The following CPD variants were observed in gnomAD, a reference collection of about 807,000 sequenced individuals.
CPD encodes the protein metallocarboxypeptidase D.
A neutral mutation model predicts 138.3 loss-of-function variants in CPD; 69 were observed. The observed-to-expected ratio is 0.50, with a 90% CI of 0.41 to 0.61. The LOEUF (loss-of-function observed/expected upper bound fraction) is 0.61, where lower values mean the gene tolerates loss of function less well. CPD is among the 20% of genes least tolerant of loss of function. The pLI, the probability that CPD is intolerant of heterozygous loss-of-function variation, is 0.00. For synonymous variants in CPD, 651 were observed against 642.1 expected, an observed-to-expected ratio of 1.01 and a Z score of -0.21; for missense variants, 1,432 against 1,733.3, an observed-to-expected ratio of 0.83 and a Z score of 3.09.
Position 30,379,322 on chromosome 17 carries a change from T to TGACGCTGCCGGGCCC in CPD, c.351_365dup (p.Asp120_Pro124dup), listed in dbSNP as rs1361206756. 2 of 1,491,932 alleles carry TGACGCTGCCGGGCCC rather than the reference T, an allele frequency of 1.3e-6. No homozygotes were observed. Among genetic ancestry groups the TGACGCTGCCGGGCCC allele is most frequent in the Non-Finnish European group, 1.8e-6 (2 of 1,128,544 alleles). The allele number at this position is 1,491,932 out of a possible 1,614,324, so 92.4% of individuals were successfully genotyped here. A position where few individuals can be genotyped will look rare whatever the true frequency, so the allele number is the denominator to read the frequency against. On this transcript the variant is annotated inframe_insertion, in exon 1 of 21. Coordinates refer to ENST00000225719, the MANE Select transcript of CPD (RefSeq NM_001304.5). The surrounding 1 kb of genome is among the most constrained non-coding windows in gnomAD (Gnocchi z 7.0). ...TAATCCCTGAGGGCGACGCGGGGCC[T>TGACGCTGCCGGGCCC]GACGCTGCCGGGCCCGACGCTGCGG...
intron 14 of CPD, 200 bp from the exon 15 acceptor site, chr17:30,455,139 G>A: frequency 1.9e-6 from 1 of 524,500 alleles, no homozygotes. Context: ...ACATCCTGAA[G>A]TACATAATAA....
chr17:30,442,036 G>A (rs542690659), intron 9 of CPD, among the ~76,000 whole-genome samples: 1 of 151,980 alleles, frequency 6.6e-6, no homozygotes, highest in Admixed American at 6.6e-5. Flanking sequence ...AAATCCATCT[G>A]GTCCTGGACT....
intron 11 of CPD, 197 bp downstream of exon 11, chr17:30,444,168 C>G: frequency 2.2e-6 from 1 of 463,276 alleles, no homozygotes; most frequent in South Asian, 4.7e-5. Flanking sequence ...GGAAAGATTC[C>G]TGGGGTAAAT....
chr17:30,456,117 G>A, intron 15 of CPD, 139 bp from the exon 16 acceptor site: 2 of 629,200 alleles, frequency 3.2e-6, no homozygotes, highest in Non-Finnish European at 5.6e-6. Flanking sequence ...ACCTTTTAGG[G>A]TTAATTATAG....
chr17:30,447,690 TCA>T (rs1304885917), intron 12 of CPD: 1 of 152,210 alleles, frequency 6.6e-6, no homozygotes, highest in Non-Finnish European at 1.5e-5. Context: ...TAGTCTCTAT[TCA>T]CAGTCTCTTA....
rs1912309488 is a variant in CPD at position 30,423,043 on chromosome 17, A to G, written c.1657+20A>G. 2 of 1,554,818 alleles carry G rather than the reference A, an allele frequency of 1.3e-6. No individual in the cohort carries two copies. The highest frequency in any genetic ancestry group is 4.5e-5 in the East Asian group (2 of 44,482). On this transcript the variant is annotated intron_variant, in intron 5 of 20. Transcript: ENST00000225719. ...AACCAGGTAATTGGTATGGTCTTAC[A>G]CATAATTTCAGTAGTGCCCCTCAAA...
intron 7 of CPD, among the ~76,000 whole-genome samples, chr17:30,427,889 T>G (rs1482243435): frequency 6.6e-6 from 1 of 151,636 alleles, no homozygotes; most frequent in Non-Finnish European, 1.5e-5. Flanking sequence ...GTCTTGTCTT[T>G]TTTCTCCTCT....
At chr17:30,431,960 C>T in intron 8 of CPD, 79 bp downstream of exon 8, 2 of 945,834 alleles carry the variant, frequency 2.1e-6, no homozygotes, top group Non-Finnish European at 3.2e-6. Flanking sequence ...CTGCAAGACT[C>T]AGGTCAAGTG....
chr17:30,407,974 A>G (rs1343068514), intron 2 of CPD, among the ~76,000 whole-genome samples: 1 of 152,144 alleles, frequency 6.6e-6, no homozygotes, highest in African/African-American at 2.4e-5. Context: ...TCTTTAAAAC[A>G]TCTTGAGTTA....
rs957716827 is a variant in CPD, at chr17:30,439,066, A to G, written c.2219A>G (p.Tyr740Cys). The G allele has an allele frequency of 3.8e-6, 6 of 1,583,100 alleles. No individual in the cohort carries two copies. The highest frequency in any genetic ancestry group is 5.1e-6 in the Non-Finnish European group (6 of 1,166,994). ...GGAATAACAAATGGAGCTAGTTGGT[A>G]TAATGTGCCAGGTAAAGATTCTTTT... ...PHGITNGASW[Y>C]NVPGGMQDWN... The change falls in exon 9 of 21, where the codon TAT becomes TGT. Residue 740 changes from tyrosine to cysteine, a missense_variant. Coordinates refer to ENST00000225719, the MANE Select transcript of CPD (RefSeq NM_001304.5).
intron 2 of CPD, among the ~76,000 whole-genome samples, chr17:30,398,147 A>T (rs936079126): frequency 6.6e-6 from 1 of 152,106 alleles, no homozygotes; most frequent in Non-Finnish European, 1.5e-5. Context: ...CAGTTATTTT[A>T]GTATTAACAA....
intron 1 of CPD, among the ~76,000 whole-genome samples, chr17:30,383,338 G>A (rs773572211): frequency 1.2e-4 from 19 of 152,262 alleles, no homozygotes; most frequent in Non-Finnish European, 2.1e-4. Flanking sequence ...GAAATGGGTA[G>A]CATTAATCCC....
chr17:30,399,039 T>G (rs938662114), intron 2 of CPD, among the ~76,000 whole-genome samples: 6 of 152,026 alleles, frequency 3.9e-5, no homozygotes, highest in African/African-American at 1.4e-4. Context: ...ATTAATTGCC[T>G]TCTGAAAACA....
rs138626468 is a variant in CPD, at chr17:30,394,733, G to A, written c.994+9497G>A. Among the ~76,000 whole-genome samples the A allele has an allele frequency of 2.7e-4, 41 of 152,304 alleles. 1 individual carries two copies. In the East Asian group the frequency reaches 4.4e-3, roughly 17 times the overall value. Reference sequence around the variant, plus strand: ...GATACATATATAAGAAGTTATGCAAGAAGAACTGCAGAATTGACCATCGTT... The same window carrying A: ...GATACATATATAAGAAGTTATGCAAAAAGAACTGCAGAATTGACCATCGTT... On this transcript the variant is annotated intron_variant, in intron 2 of 20. Transcript: ENST00000225719.
intron 2 of CPD, among the ~76,000 whole-genome samples, chr17:30,409,868 C>T (rs1421431267): frequency 6.6e-6 from 1 of 152,086 alleles, no homozygotes; most frequent in East Asian, 1.9e-4. Flanking sequence ...CAGTTCTGCT[C>T]TGATTTTAGT....
chr17:30,381,041 T>C (rs1374477651), intron 1 of CPD, among the ~76,000 whole-genome samples: 1 of 152,248 alleles, frequency 6.6e-6, no homozygotes, highest in Non-Finnish European at 1.5e-5. Flanking sequence ...AGAAAATTCT[T>C]GAGTGTTAGG....
intron 2 of CPD, among the ~76,000 whole-genome samples, chr17:30,401,832 C>G (rs1461009526): frequency 1.3e-5 from 2 of 151,884 alleles, no homozygotes; most frequent in African/African-American, 4.8e-5. Context: ...TATAAAATAC[C>G]CATGCATGGA....
At chr17:30,455,593 C>T in intron 15 of CPD, 123 bp downstream of exon 15, 1 of 1,066,276 alleles carries the variant, frequency 9.4e-7, no homozygotes, top group Non-Finnish European at 1.4e-6. Flanking sequence ...GAGCAAATTA[C>T]CAACCAAAGA....
At chr17:30,403,747 A>G (rs779448740) in intron 2 of CPD, among the ~76,000 whole-genome samples, 3 of 152,208 alleles carry the variant, frequency 2.0e-5, no homozygotes, top group Non-Finnish European at 2.9e-5. Flanking sequence ...TTACAAAGTT[A>G]AACTTACTAT....
Sources: gnomAD v4.1 joint callset for allele counts (sites outside exome capture counted in the v4.1 genomes callset) on GRCh38, gnomAD v4.1.1 for gene constraint, Gnocchi (gnomAD v3.1) non-coding constraint, MANE v1.5 for transcripts, NCBI Gene and HGNC (gene_info 2026-07-23, HGNC 2026-07-21) for gene names.